The following MEIS2 variants were observed in gnomAD, a reference collection of about 807,000 sequenced individuals.
The protein encoded by MEIS2 is Meis homeobox 2.
A neutral mutation model predicts 58.6 loss-of-function variants in MEIS2; 9 were observed. The observed-to-expected ratio is 0.15, with a 90% CI of 0.09 to 0.27. The LOEUF (loss-of-function observed/expected upper bound fraction) is 0.27, where lower values mean the gene tolerates loss of function less well. Ranked by LOEUF, MEIS2 falls within the 10% of genes least tolerant of loss-of-function variation. The pLI, the probability that MEIS2 is intolerant of heterozygous loss-of-function variation, is 1.00. For synonymous variants in MEIS2, 221 were observed against 228.4 expected, an observed-to-expected ratio of 0.97 and a Z score of 0.29; for missense variants, 427 against 635.0, an observed-to-expected ratio of 0.67 and a Z score of 3.52.
chr15:37,015,762 T>C (rs539012456), intron 8 of MEIS2, among the ~76,000 whole-genome samples: 5 of 152,272 alleles, frequency 3.3e-5, no homozygotes, highest in East Asian at 1.9e-4. Context: ...CAGTGCAACA[T>C]AGAGCACCAG....
At chr15:37,031,815 TTGTGTGTG>T (rs66770353) in intron 8 of MEIS2, among the ~76,000 whole-genome samples, 248 of 134,202 alleles carry the variant, frequency 1.8e-3, no homozygotes, top group Middle Eastern at 8.5e-3. Flanking sequence ...TTACATCACT[TTGTGTGTG>T]TGTGTGTGTG....
chr15:37,085,752 T>C (rs1596106038), intron 6 of MEIS2, among the ~76,000 whole-genome samples: 2 of 152,216 alleles, frequency 1.3e-5, no homozygotes, highest in East Asian at 3.9e-4. Context: ...AAAATAAAAG[T>C]CAAGGTTTTC....
rs1894973225 is a variant in MEIS2 at position 37,100,506 on chromosome 15, G to C, written c.-1040C>G. On this transcript the variant is annotated 5_prime_UTR_variant, in exon 1 of 12. Coordinates refer to ENST00000561208, the MANE Select transcript of MEIS2 (RefSeq NM_170675.5). ...CATCCCGGGAGTGGGGAGCGGGAGCGAGGAGGAGCGCGCCGCGCCGAGCCT... is the reference window on the plus strand; with the variant it reads ...CATCCCGGGAGTGGGGAGCGGGAGCCAGGAGGAGCGCGCCGCGCCGAGCCT... 1 of 151,788 alleles carries C rather than the reference G, an allele frequency of 6.6e-6. No individual in the cohort carries two copies. Among genetic ancestry groups the C allele is most frequent in the Non-Finnish European group, 1.5e-5 (1 of 67,942 alleles). 9.4% of individuals were successfully genotyped at this position (151,788 alleles called of 1,614,324 possible).
At chr15:36,894,710 T>C in intron 11 of MEIS2, 1 of 1,598,826 alleles carries the variant, frequency 6.3e-7, no homozygotes, top group Non-Finnish European at 8.6e-7. Flanking sequence ...CACCCGACTG[T>C]ACTTACTTCC....
chr15:36,967,514 C>T (rs547766776), intron 8 of MEIS2, among the ~76,000 whole-genome samples: 10 of 152,304 alleles, frequency 6.6e-5, no homozygotes, highest in African/African-American at 2.2e-4. Flanking sequence ...TTGGCCCCAG[C>T]AGTCACCACC....
chr15:37,069,063 C>A (rs1471767483), intron 7 of MEIS2, among the ~76,000 whole-genome samples: 1 of 152,120 alleles, frequency 6.6e-6, no homozygotes, highest in African/African-American at 2.4e-5. Flanking sequence ...GGCCCAATTT[C>A]TTTTTTTCTT....
At chr15:37,045,575 A>T (rs1000623604) in intron 7 of MEIS2, among the ~76,000 whole-genome samples, 3 of 152,118 alleles carry the variant, frequency 2.0e-5, no homozygotes, top group Non-Finnish European at 4.4e-5. Context: ...AGCAAAGTAA[A>T]TTTTTTCCTA....
chr15:36,950,595 T>G (rs893949220), intron 8 of MEIS2, among the ~76,000 whole-genome samples, 195 bp from the exon 9 acceptor site: 5 of 152,116 alleles, frequency 3.3e-5, no homozygotes, highest in Admixed American at 6.6e-5. Context: ...CCCATGTTTC[T>G]GTCATACTCT....
At chr15:37,077,771 T>A (rs978316821) in intron 7 of MEIS2, among the ~76,000 whole-genome samples, 20 of 151,880 alleles carry the variant, frequency 1.3e-4, no homozygotes, top group Admixed American at 9.2e-4. Context: ...CTGGGTCATG[T>A]TTTTTAATCC....
At chr15:37,042,738 T>G (rs1264050852) in intron 7 of MEIS2, among the ~76,000 whole-genome samples, 1 of 152,212 alleles carries the variant, frequency 6.6e-6, no homozygotes, top group Non-Finnish European at 1.5e-5. Context: ...AATAGAAATG[T>G]GCTAACTCTT....
intron 7 of MEIS2, among the ~76,000 whole-genome samples, chr15:37,075,911 G>A (rs186967651): frequency 7.9e-5 from 12 of 151,126 alleles, no homozygotes; most frequent in African/African-American, 2.7e-4. Flanking sequence ...TTTTTTTTTC[G>A]AGACCTTGTG....
intron 9 of MEIS2, among the ~76,000 whole-genome samples, chr15:36,909,755 G>C (rs979352910): frequency 2.4e-4 from 36 of 151,560 alleles, no homozygotes; most frequent in African/African-American, 8.2e-4. Context: ...AATATGCACA[G>C]TCCGGGACAT....
intron 9 of MEIS2, among the ~76,000 whole-genome samples, chr15:36,928,026 T>A (rs147429863): frequency 2.4e-4 from 37 of 152,296 alleles, no homozygotes; most frequent in Non-Finnish European, 4.7e-4. Context: ...TAAACCACCA[T>A]CATTTAGAAG....
chr15:36,922,622 T>C (rs1310897547), intron 9 of MEIS2, among the ~76,000 whole-genome samples: 1 of 105,620 alleles, frequency 9.5e-6, no homozygotes, highest in Non-Finnish European at 1.8e-5. Flanking sequence ...TTTCTTTCTT[T>C]TTTTTTTTTT....
chr15:37,074,089 T>C (rs1281600590), intron 7 of MEIS2, among the ~76,000 whole-genome samples: 1 of 152,064 alleles, frequency 6.6e-6, no homozygotes, highest in Non-Finnish European at 1.5e-5. Flanking sequence ...AATGATCGTT[T>C]ATTGTTCCAC....
chr15:36,994,087 G>C (rs2060393481), intron 8 of MEIS2, among the ~76,000 whole-genome samples: 1 of 152,126 alleles, frequency 6.6e-6, no homozygotes, highest in African/African-American at 2.4e-5. Context: ...ATAGTTTTGA[G>C]AACTTGAGGA....
At chr15:37,007,179 A>G (rs959669580) in intron 8 of MEIS2, among the ~76,000 whole-genome samples, 1 of 152,198 alleles carries the variant, frequency 6.6e-6, no homozygotes, top group Non-Finnish European at 1.5e-5. Context: ...CAGTGTGACC[A>G]ACTTCTGGCC....
At chr15:37,015,052 G>C (rs2061300330) in intron 8 of MEIS2, among the ~76,000 whole-genome samples, 1 of 152,214 alleles carries the variant, frequency 6.6e-6, no homozygotes, top group African/African-American at 2.4e-5. Context: ...CATGTGACTT[G>C]AGCTCAAGTA....
chr15:36,911,488 TGAG>T lies in MEIS2; in HGVS notation c.978-14805_978-14803del, dbSNP rs1382869051. Reference sequence around the variant, plus strand: ...GGACAATGTTAAGAGGAAGGAGAAATGAGAAGAGGAAAGAGACAGGAAAAGAGG... The same window carrying T: ...GGACAATGTTAAGAGGAAGGAGAAATAAGAGGAAAGAGACAGGAAAAGAGG... On this transcript the variant is annotated intron_variant, in intron 9 of 11. Coordinates refer to ENST00000561208, the MANE Select transcript of MEIS2 (RefSeq NM_170675.5). 3.3e-5 allele frequency among the ~76,000 whole-genome samples: 5 copies of T among 152,030 alleles called. No homozygotes were observed. In the East Asian group the frequency reaches 9.7e-4, roughly 29 times the overall value.
Sources: allele counts gnomAD v4.1 joint callset (sites outside exome capture counted in the v4.1 genomes callset), GRCh38; gene constraint gnomAD v4.1.1; transcripts MANE v1.5; gene names NCBI Gene and HGNC (gene_info 2026-07-23, HGNC 2026-07-21).